Variants in DDX60L observed in about 807,000 individuals in gnomAD.
DDX60L encodes DExD/H-box 60 like, also known as probable ATP-dependent RNA helicase DDX60-like.
A neutral mutation model predicts 211.6 loss-of-function variants in DDX60L; 191 were observed. The ratio of observed to expected loss-of-function variants is 0.90; its 90% confidence interval spans 0.80 to 1.02. DDX60L has a LOEUF of 1.02. Ranked by LOEUF, DDX60L falls within the 50% of genes least tolerant of loss-of-function variation. DDX60L has a pLI of 0.00. For missense variants in DDX60L, 2,007 were observed against 1,984.1 expected (o/e 1.01, Z -0.22); for synonymous variants, 706 against 694.1 (o/e 1.02, Z -0.27).
rs768663569 is a variant in DDX60L at position 168,358,205 on chromosome 4, G to T, written c.5063C>A (p.Thr1688Asn). The change falls in exon 38 of 38, where the codon ACC (threonine) becomes AAC (asparagine). Residue 1688 changes from threonine (T) to asparagine (N), a missense_variant. Coordinates refer to ENST00000682922, the MANE Select transcript of DDX60L (RefSeq NM_001012967.3). ...CATTTCTTGAAGTTTCTCATAAAAG[G>T]TTTGACTCAATTGTTTAAATGCCAG... is the stretch of plus-strand genomic sequence containing the variant. ...VVLAFKQLSQ[T>N]FYEKLQEMQI... 1 of 1,605,218 alleles carries T rather than the reference G, an allele frequency of 6.2e-7. No homozygotes were observed. Among genetic ancestry groups the T allele is most frequent in the Non-Finnish European group, 8.5e-7 (1 of 1,175,268 alleles).
rs761447328 is a variant in DDX60L at position 168,405,956 on chromosome 4, C to T, written c.3207G>A (p.Val1069=). ...ELTNWIKNGQ[V]KKVKRVLKNL... ...AAGAAAGTGTGAAAATTACCTTCTT[C>T]ACTTGGCCATTTTTAATCCAATTTG... The change falls in exon 24 of 38, where the codon GTG becomes GTA. Residue 1069 remains valine (V), a synonymous_variant. Transcript: ENST00000682922. The T allele has an allele frequency of 6.4e-7, 1 of 1,567,188 alleles. No individual in the cohort carries two copies. The highest frequency in any genetic ancestry group is 8.6e-7 in the Non-Finnish European group (1 of 1,159,786).
At position 168,453,252 on chromosome 4, in the gene DDX60L, C is replaced by T; in HGVS notation, c.868G>A (p.Val290Met). 6.2e-7 allele frequency: 1 copy of T among 1,612,434 alleles called. No individual in the cohort carries two copies. The highest frequency in any genetic ancestry group is 8.5e-7 in the Non-Finnish European group (1 of 1,179,058). ...CAACGCAGTCTGCAGAAATCTTCCACCTCCTGCAGGGATAGGCAATTACTG... is the reference window on the plus strand; with the variant it reads ...CAACGCAGTCTGCAGAAATCTTCCATCTCCTGCAGGGATAGGCAATTACTG... ...VHSNCLSLQE[V>M]EDFCRLRCLC... The change falls in exon 8 of 38, where the codon GTG becomes ATG. Residue 290 changes from valine (V) to methionine (M), a missense_variant. Physicochemically the swap from Val to Met is conservative, Grantham distance 21. Coordinates refer to ENST00000682922, the MANE Select transcript of DDX60L (RefSeq NM_001012967.3).
At chr4:168,425,776 A>G (rs1253024928) in intron 14 of DDX60L, among the ~76,000 whole-genome samples, 1 of 151,584 alleles carries the variant, frequency 6.6e-6, no homozygotes, top group African/African-American at 2.4e-5. Flanking sequence ...CAAAAAAAAG[A>G]AAAAAAAATC....
intron 9 of DDX60L, among the ~76,000 whole-genome samples, chr4:168,447,130 C>A (rs1010452248): frequency 1.2e-4 from 16 of 136,358 alleles, no homozygotes; most frequent in Non-Finnish European, 1.8e-4. Context: ...GCAACCTACT[C>A]ATCTGACAAA....
At chr4:168,361,974 C>T (rs1276734512) in intron 36 of DDX60L, among the ~76,000 whole-genome samples, 1 of 152,238 alleles carries the variant, frequency 6.6e-6, no homozygotes, top group Admixed American at 6.5e-5. Context: ...GCCCCACTAT[C>T]ATTTCACATC....
At chr4:168,437,109 G>A (rs781026575) in intron 10 of DDX60L, among the ~76,000 whole-genome samples, 2 of 152,188 alleles carry the variant, frequency 1.3e-5, no homozygotes, top group Non-Finnish European at 2.9e-5. Context: ...TATGGGTCCA[G>A]ACCCTTAAGG....
chr4:168,401,102 A>C, intron 25 of DDX60L, 124 bp from the exon 26 acceptor site: 1 of 839,698 alleles, frequency 1.2e-6, no homozygotes, highest in Non-Finnish European at 1.8e-6. Flanking sequence ...GGGCACTCTA[A>C]AATTTAAACT....
chr4:168,414,643 T>G (rs1749228393), intron 22 of DDX60L, among the ~76,000 whole-genome samples: 1 of 151,994 alleles, frequency 6.6e-6, no homozygotes, highest in African/African-American at 2.4e-5. Flanking sequence ...AAAGAAAATG[T>G]GGCACTTAAA....
rs1422026409 is a variant in DDX60L at position 168,361,146 on chromosome 4, T to A, written c.4991+3A>T. On this transcript the variant is annotated splice_donor_region_variant and intron_variant, in intron 37 of 37. Coordinates refer to ENST00000682922, the MANE Select transcript of DDX60L (RefSeq NM_001012967.3). The stretch of plus-strand genomic sequence containing the variant: ...AGAAAATCAAACTCAGCATGAAACA[T>A]ACCTGATAGCCTGAATGTTGAATGC... 4 of 1,599,992 alleles carry A rather than the reference T, an allele frequency of 2.5e-6. No homozygotes were observed. The highest frequency in any genetic ancestry group is 2.6e-6 in the Non-Finnish European group (3 of 1,169,788).
chr4:168,389,815 A>G (rs1390589132), intron 29 of DDX60L, among the ~76,000 whole-genome samples: 1 of 152,216 alleles, frequency 6.6e-6, no homozygotes, highest in African/African-American at 2.4e-5. Flanking sequence ...CCAAGGCTGT[A>G]GCTATAAGAT....
chr4:168,365,199 A>G (rs1739762639), intron 36 of DDX60L, among the ~76,000 whole-genome samples: 1 of 152,150 alleles, frequency 6.6e-6, no homozygotes, highest in African/African-American at 2.4e-5. Context: ...TAAACAAAAT[A>G]GAGGCAAAAA....
At chr4:168,421,676 T>G (rs1750646228) in intron 17 of DDX60L, 84 bp downstream of exon 17, 5 of 1,523,756 alleles carry the variant, frequency 3.3e-6, no homozygotes, top group Non-Finnish European at 3.6e-6. Context: ...AACAGTGAAT[T>G]AGATCTAGCA....
Position 168,384,662 on chromosome 4 carries a change from G to C in DDX60L, c.4066C>G (p.Leu1356Val). 6.2e-7 allele frequency: 1 copy of C among 1,614,042 alleles called. No homozygotes were observed. The highest frequency in any genetic ancestry group is 8.5e-7 in the Non-Finnish European group (1 of 1,179,972). Residue 1356 changes from leucine (L) to valine (V), a missense_variant, in exon 30 of 38, where the codon CTC (leucine) becomes GTC (valine). By Grantham distance (32) the Leu-to-Val change is conservative. Coordinates refer to ENST00000682922, the MANE Select transcript of DDX60L (RefSeq NM_001012967.3). ...TCTCCCTTGGAAGCCAGCAGCATGA[G>C]TCGCAGGACCAGGGTTATGCTGAGA... The part of the protein sequence containing the change: ...FPLSITLVLR[L>V]MLLASKGDDP...
chr4:168,423,588 A>G lies in DDX60L; in HGVS notation c.2097+20T>C. The G allele has an allele frequency of 7.1e-7, 1 of 1,408,094 alleles. No individual in the cohort carries two copies. Among genetic ancestry groups the G allele is most frequent in the Non-Finnish European group, 9.5e-7 (1 of 1,047,840 alleles). The allele number at this position is 1,408,094 out of a possible 1,614,324, so 87.2% of individuals were successfully genotyped here. A position where few individuals can be genotyped will look rare whatever the true frequency, so the allele number is the denominator to read the frequency against. On this transcript the variant is annotated intron_variant, in intron 15 of 37. Transcript: ENST00000682922. Reference sequence around the variant, plus strand: ...AAATTGAGTAAAAATTTAAAGTATAAGAAATTCTAGTTCTCTTACCAGAGT... The same window carrying G: ...AAATTGAGTAAAAATTTAAAGTATAGGAAATTCTAGTTCTCTTACCAGAGT...
At chr4:168,396,237 T>C in intron 26 of DDX60L, 113 bp from the exon 27 acceptor site, 1 of 611,994 alleles carries the variant, frequency 1.6e-6, no homozygotes, top group East Asian at 3.0e-5. Flanking sequence ...TGACAGTAGC[T>C]CCATCAATCC....
intron 27 of DDX60L, chr4:168,395,662 C>A: frequency 4.5e-6 from 1 of 223,266 alleles, no homozygotes; most frequent in Non-Finnish European, 8.6e-6. Flanking sequence ...CCAAACGTGA[C>A]CAGAATTAAA....
intron 1 of DDX60L, among the ~76,000 whole-genome samples, chr4:168,477,492 G>C (rs192046147): frequency 2.0e-5 from 3 of 151,758 alleles, no homozygotes; most frequent in Admixed American, 6.6e-5. Flanking sequence ...AAAAATCCAT[G>C]AATTGCAAGA....
At position 168,419,466 on chromosome 4, in the gene DDX60L, G is replaced by A. The variant is rs551541883; in HGVS notation, c.2515-69C>T. The stretch of plus-strand genomic sequence containing the variant: ...AATTTTATATCAGGCATAGTAATAG[G>A]AACCTAGAAAATATGCTGCTGCTGA... On this transcript the variant is annotated intron_variant, in intron 18 of 37. Transcript: ENST00000682922. The A allele has an allele frequency of 1.2e-5, 14 of 1,141,046 alleles. No homozygotes were observed. In the South Asian group the frequency reaches 2.4e-4, roughly 20 times the overall value. The allele number at this position is 1,141,046 out of a possible 1,614,324, so 70.7% of individuals were successfully genotyped here. A position where few individuals can be genotyped will look rare whatever the true frequency, so the allele number is the denominator to read the frequency against.
chr4:168,394,590 G>C lies in DDX60L; in HGVS notation c.3685C>G (p.Arg1229Gly). 6.2e-7 allele frequency: 1 copy of C among 1,612,578 alleles called. No individual in the cohort carries two copies. The highest frequency in any genetic ancestry group is 8.5e-7 in the Non-Finnish European group (1 of 1,179,324). ...AGTTCTTTGCCGTGTCTTGTAAATC[G>C]CACTCGCGGTAATACCCTCTCCAAA... ...STLERVLPRV[R>G]FTRHGKELKA... The change falls in exon 28 of 38, where the codon CGA (arginine) becomes GGA (glycine). Residue 1229 changes from arginine to glycine, a missense_variant. Coordinates refer to ENST00000682922, the MANE Select transcript of DDX60L (RefSeq NM_001012967.3).
Sources: gnomAD v4.1 joint callset for allele counts (sites outside exome capture counted in the v4.1 genomes callset) on GRCh38, gnomAD v4.1.1 for gene constraint, MANE v1.5 for transcripts, NCBI Gene and HGNC (gene_info 2026-07-23, HGNC 2026-07-21) for gene names.